The following ATP8A2 variants were observed in gnomAD, a reference collection of about 807,000 sequenced individuals.
ATP8A2 encodes phospholipid-transporting ATPase IB.
Under a neutral mutation model 165.6 loss-of-function variants are expected in ATP8A2, and 100 were observed. That is an observed-to-expected ratio of 0.60 (90% CI 0.51 to 0.71). The LOEUF is 0.71. ATP8A2 is among the 30% of genes least tolerant of loss of function. The probability of loss-of-function intolerance (pLI) is 0.00; values close to 1 mark genes in which losing one functional copy is unlikely to be tolerated. For synonymous variants in ATP8A2, 543 were observed against 548.8 expected (o/e 0.99, Z 0.15); for missense variants, 1,227 against 1,479.5 (o/e 0.83, Z 2.80).
At chr13:25,814,098 G>GACACACACACACAC (rs59562535) in intron 27 of ATP8A2, among the ~76,000 whole-genome samples, 11 of 149,526 alleles carry the variant, frequency 7.4e-5, no homozygotes, top group African/African-American at 1.7e-4. Flanking sequence ...CACACATACA[G>GACACACACACACAC]ACACACACAC....
chr13:25,636,884 G>A (rs1037576297), intron 24 of ATP8A2, among the ~76,000 whole-genome samples: 1 of 152,136 alleles, frequency 6.6e-6, no homozygotes, highest in African/African-American at 2.4e-5. Context: ...CTGGAGCCCA[G>A]GAGTTTGAGA....
chr13:25,931,956 G>A (rs1477431221), intron 33 of ATP8A2, among the ~76,000 whole-genome samples: 1 of 151,714 alleles, frequency 6.6e-6, no homozygotes, highest in Non-Finnish European at 1.5e-5. Flanking sequence ...GCCGAGGCAG[G>A]AGAATCACTT....
chr13:25,606,006 GT>G (rs2040508032), intron 24 of ATP8A2, among the ~76,000 whole-genome samples: 1 of 152,082 alleles, frequency 6.6e-6, no homozygotes, highest in South Asian at 2.1e-4. Flanking sequence ...AATTCTGCCA[GT>G]TTAATTGTAA....
chr13:25,509,106 T>G (rs2037139819), intron 2 of ATP8A2, among the ~76,000 whole-genome samples: 1 of 152,196 alleles, frequency 6.6e-6, no homozygotes, highest in South Asian at 2.1e-4. Context: ...CCTCTGCATC[T>G]GAGGTTATGA....
chr13:25,581,782 G>T (rs1477054181), intron 22 of ATP8A2, 37 bp from the exon 23 acceptor site: 1 of 1,600,032 alleles, frequency 6.2e-7, no homozygotes. Context: ...TCTTAAGTAT[G>T]TGCCAATCTT....
chr13:25,789,757 G>A (rs1446936891), intron 27 of ATP8A2, among the ~76,000 whole-genome samples: 1 of 152,124 alleles, frequency 6.6e-6, no homozygotes, highest in Non-Finnish European at 1.5e-5. Flanking sequence ...AAAGAAATGA[G>A]CCCCAATAGC....
chr13:25,562,061 G>A (rs2039172859), intron 15 of ATP8A2, among the ~76,000 whole-genome samples: 1 of 152,128 alleles, frequency 6.6e-6, no homozygotes, highest in Admixed American at 6.5e-5. Context: ...TGGCTACTGT[G>A]AATAACGCTG....
chr13:25,795,974 G>A (rs1224896585), intron 27 of ATP8A2, among the ~76,000 whole-genome samples: 5 of 151,508 alleles, frequency 3.3e-5, no homozygotes, highest in African/African-American at 9.7e-5. Context: ...TTAAAAGACA[G>A]GGTCTTGCTC....
chr13:25,535,222 A>G (rs547734847), intron 6 of ATP8A2, among the ~76,000 whole-genome samples: 1 of 152,286 alleles, frequency 6.6e-6, no homozygotes, highest in African/African-American at 2.4e-5. Flanking sequence ...GGCAAGGGGA[A>G]GCTGGCTGTC....
At chr13:25,960,190 A>G (rs1363494015) in intron 33 of ATP8A2, among the ~76,000 whole-genome samples, 6 of 152,160 alleles carry the variant, frequency 3.9e-5, no homozygotes, top group African/African-American at 1.4e-4. Flanking sequence ...GTGAGTATAG[A>G]CGCTGGGCAG....
chr13:25,386,156 T>G (rs1474368763), intron 1 of ATP8A2, among the ~76,000 whole-genome samples: 2 of 152,088 alleles, frequency 1.3e-5, no homozygotes, highest in Non-Finnish European at 2.9e-5. Context: ...CCTTAAGTAA[T>G]CCACCCACCT....
chr13:25,817,352 G>GC (rs1491053972), intron 27 of ATP8A2, among the ~76,000 whole-genome samples: 4 of 57,924 alleles, frequency 6.9e-5, no homozygotes, highest in East Asian at 4.8e-4. Flanking sequence ...GTCTTTTATG[G>GC]GGGGGGGGGG....
intron 24 of ATP8A2, among the ~76,000 whole-genome samples, chr13:25,688,357 C>G (rs880606): frequency 6.6e-6 from 1 of 151,994 alleles, no homozygotes; most frequent in African/African-American, 2.4e-5. Context: ...CACCCTAGTT[C>G]GTTACGGGTT....
At chr13:25,385,916 A>ATTTT (rs763105009) in intron 1 of ATP8A2, among the ~76,000 whole-genome samples, 6 of 133,488 alleles carry the variant, frequency 4.5e-5, no homozygotes, top group African/African-American at 1.7e-4. Flanking sequence ...TTGGGCTTAA[A>ATTTT]TTTTTTTTTT....
intron 25 of ATP8A2, among the ~76,000 whole-genome samples, chr13:25,755,162 GTT>G (rs1453731985): frequency 6.6e-6 from 1 of 152,186 alleles, no homozygotes; most frequent in Admixed American, 6.5e-5. Context: ...AGCTGATACT[GTT>G]TTAGGGCATC....
chr13:25,671,623 C>T (rs57063460), intron 24 of ATP8A2, among the ~76,000 whole-genome samples: 5,338 of 152,250 alleles, frequency 0.035, 159 homozygotes, highest in East Asian at 0.13. Context: ...TCTCCCATAG[C>T]GCTCCCAGGC....
intron 1 of ATP8A2, among the ~76,000 whole-genome samples, chr13:25,373,302 T>A (rs2032493680): frequency 6.6e-6 from 1 of 152,196 alleles, no homozygotes; most frequent in African/African-American, 2.4e-5. Context: ...GCGACTTTTG[T>A]ATTTCTGTAG....
chr13:25,570,965 C>G, intron 17 of ATP8A2, 93 bp downstream of exon 17: 2 of 890,374 alleles, frequency 2.2e-6, no homozygotes, highest in Non-Finnish European at 3.4e-6. Flanking sequence ...GTAGTCCGTC[C>G]CACAGACTCG....
chr13:25,828,703 A>T (rs146735375), intron 28 of ATP8A2, among the ~76,000 whole-genome samples: 19 of 152,322 alleles, frequency 1.2e-4, no homozygotes, highest in African/African-American at 4.6e-4. Flanking sequence ...ACTGTGGAGG[A>T]TGGTAATCAG....
Sources: gnomAD v4.1 joint callset for allele counts (sites outside exome capture counted in the v4.1 genomes callset) on GRCh38, gnomAD v4.1.1 for gene constraint, MANE v1.5 for transcripts, NCBI Gene and HGNC (gene_info 2026-07-23, HGNC 2026-07-21) for gene names.